SIMC1: variants seen among roughly 807,000 people sequenced by gnomAD.
SIMC1 encodes the protein SUMO-interacting motif-containing protein 1.
SIMC1 carries 55 observed loss-of-function variants against 82.3 expected under a neutral mutation model. The observed-to-expected ratio is 0.67, with a 90% CI of 0.54 to 0.84. SIMC1 has a LOEUF of 0.84. SIMC1 is among the 40% of genes least tolerant of loss of function. The pLI is 0.00. For synonymous variants in SIMC1, 353 were observed against 426.3 expected (o/e 0.83, Z 2.12); for missense variants, 915 against 1,107.2 (o/e 0.83, Z 2.46).
chr5:176,252,589 G>A (rs1409320301), intron 1 of SIMC1, among the ~76,000 whole-genome samples: 72 of 151,494 alleles, frequency 4.8e-4, no homozygotes, highest in Non-Finnish European at 8.6e-4. Context: ...GATGGCAGCC[G>A]GGAAGAGGCG....
At chr5:176,244,287 G>A (rs1420970451) in intron 1 of SIMC1, among the ~76,000 whole-genome samples, 47 of 89,746 alleles carry the variant, frequency 5.2e-4, no homozygotes, top group African/African-American at 2.1e-3. Flanking sequence ...GAGGAACAGG[G>A]TTAGAGGAAA....
rs537325267 is a variant in SIMC1, at chr5:176,307,936, C to T, written c.1735-5755C>T. Reference sequence around the variant, plus strand: ...AACCTGTCAGCCAAAGACATACATTCAAATGTTCAAAGCAGTGTTATACAT... The same window carrying T: ...AACCTGTCAGCCAAAGACATACATTTAAATGTTCAAAGCAGTGTTATACAT... On this transcript the variant is annotated intron_variant, in intron 4 of 9. Coordinates refer to ENST00000429602, the MANE Select transcript of SIMC1 (RefSeq NM_001308195.2). 3 of 554,304 alleles carry T rather than the reference C, an allele frequency of 5.4e-6. No individual in the cohort carries two copies. The East Asian group carries it at 9.5e-5, about 18-fold the overall frequency. 34.3% of individuals were successfully genotyped at this position (554,304 alleles called of 1,614,324 possible). A position where few individuals can be genotyped will look rare whatever the true frequency, so the allele number is the denominator to read the frequency against.
At chr5:176,243,927 A>G (rs1761353558) in intron 1 of SIMC1, among the ~76,000 whole-genome samples, 1 of 126,926 alleles carries the variant, frequency 7.9e-6, no homozygotes, top group Admixed American at 8.5e-5. Flanking sequence ...GCAAATGAAA[A>G]GGGATGCTAA....
chr5:176,262,249 C>CA (rs1762038827), intron 1 of SIMC1, among the ~76,000 whole-genome samples: 1 of 134,410 alleles, frequency 7.4e-6, no homozygotes, highest in Non-Finnish European at 1.6e-5. Flanking sequence ...CAATAGAGGC[C>CA]AAAAAAGCAT....
chr5:176,281,531 G>C (rs965921485), intron 1 of SIMC1, among the ~76,000 whole-genome samples: 2 of 152,134 alleles, frequency 1.3e-5, no homozygotes, highest in African/African-American at 4.8e-5. Flanking sequence ...CAGTTTTTCT[G>C]CTCTGCTTTT....
intron 1 of SIMC1, among the ~76,000 whole-genome samples, chr5:176,260,065 A>C (rs1240709867): frequency 6.6e-6 from 1 of 151,300 alleles, no homozygotes; most frequent in East Asian, 1.9e-4. Flanking sequence ...AGACATTTAA[A>C]AAATTCATAC....
At chr5:176,263,457 G>A (rs1762083757) in intron 1 of SIMC1, 9 of 1,547,316 alleles carry the variant, frequency 5.8e-6, no homozygotes, top group Non-Finnish European at 7.9e-6. Flanking sequence ...CTTCTGGTGA[G>A]GACCTCAGGA....
chr5:176,270,482 T>C (rs1243320092), intron 1 of SIMC1: 2 of 152,046 alleles, frequency 1.3e-5, no homozygotes, highest in Admixed American at 6.5e-5. Context: ...TGAACAACTA[T>C]CCACACAAGA....
At chr5:176,269,563 A>G (rs1323558413) in intron 1 of SIMC1, among the ~76,000 whole-genome samples, 4 of 152,230 alleles carry the variant, frequency 2.6e-5, no homozygotes, top group Admixed American at 6.5e-5. Flanking sequence ...TTCAGGTGCA[A>G]AGAGGTTCAC....
chr5:176,335,812 G>A (rs1172966554), intron 7 of SIMC1, among the ~76,000 whole-genome samples: 3 of 152,204 alleles, frequency 2.0e-5, no homozygotes, highest in African/African-American at 7.2e-5. Flanking sequence ...GGAGGCCAGG[G>A]TGGGAAGATT....
At position 176,262,403 on chromosome 5, in the gene SIMC1, G is replaced by A. The variant is rs186699481; in HGVS notation, c.129+23766G>A. 2.2e-3 allele frequency among the ~76,000 whole-genome samples: 342 copies of A among 152,048 alleles called. 1 individual carries two copies. The highest frequency in any genetic ancestry group is 8.1e-3 in the African/African-American group (334 of 41,462). On this transcript the variant is annotated intron_variant, in intron 1 of 9. Transcript: ENST00000429602. ...CATACCTAATGGTGAAAAACTTGAA[G>A]CATTCCTACTAAGATCAGGGATAAG...
chr5:176,338,517 T>C (rs1259868140), intron 9 of SIMC1, among the ~76,000 whole-genome samples: 3 of 152,128 alleles, frequency 2.0e-5, no homozygotes, highest in Non-Finnish European at 4.4e-5. Flanking sequence ...TAGATAACAT[T>C]ATTGTGTCCA....
chr5:176,308,105 G>T, intron 4 of SIMC1: 1 of 816,770 alleles, frequency 1.2e-6, no homozygotes, highest in East Asian at 2.5e-5. Flanking sequence ...AGTTCATCTA[G>T]AGTCTGACAC....
At chr5:176,313,955 T>C in intron 5 of SIMC1, 110 bp downstream of exon 5, 3 of 1,343,156 alleles carry the variant, frequency 2.2e-6, no homozygotes, top group Non-Finnish European at 3.1e-6. Context: ...GTAGATAGTG[T>C]AATAGGGCTA....
In SIMC1 at chr5:176,284,733, T is replaced by C. The variant is rs146180207; in HGVS notation, c.130-4921T>C. Among the ~76,000 whole-genome samples, 384 of 151,740 alleles carry C rather than the reference T, an allele frequency of 2.5e-3. 2 individuals carry two copies. The highest frequency in any genetic ancestry group is 8.8e-3 in the African/African-American group (363 of 41,374). On this transcript the variant is annotated intron_variant, in intron 1 of 9. Transcript: ENST00000429602. ...AAAAGCCCTTCAAAAAATCAATGAA[T>C]CTAGGAGCTGGGCAATAAAAAATGA...
chr5:176,252,311 G>A (rs1304145027), intron 1 of SIMC1, among the ~76,000 whole-genome samples: 2 of 151,554 alleles, frequency 1.3e-5, no homozygotes, highest in South Asian at 4.2e-4. Context: ...GGGCGGAGAC[G>A]CTCCGGGCAG....
Position 176,345,497 on chromosome 5 carries a change from C to T in SIMC1, c.*52C>T. On this transcript the variant is annotated 3_prime_UTR_variant, in exon 10 of 10. Transcript: ENST00000429602. ...AATACCTCCTGAACTCTCTCTCCAA[C>T]TGCTCAGAAGCTCTAAAAGCATGAA... 1 of 1,555,544 alleles carries T rather than the reference C, an allele frequency of 6.4e-7. No individual in the cohort carries two copies.
At chr5:176,329,689 C>T (rs1765550227) in intron 7 of SIMC1, among the ~76,000 whole-genome samples, 1 of 152,080 alleles carries the variant, frequency 6.6e-6, no homozygotes, top group Admixed American at 6.6e-5. Context: ...ATGAACTGAA[C>T]TCTAGTTAGT....
intron 1 of SIMC1, among the ~76,000 whole-genome samples, chr5:176,269,222 CAG>C (rs754702840): frequency 9.9e-5 from 15 of 151,810 alleles, no homozygotes; most frequent in Non-Finnish European, 2.1e-4. Context: ...ATAAAGATAA[CAG>C]AAATAGATGA....
Sources: allele counts gnomAD v4.1 joint callset (sites outside exome capture counted in the v4.1 genomes callset), GRCh38; gene constraint gnomAD v4.1.1; transcripts MANE v1.5; gene names NCBI Gene and HGNC (gene_info 2026-07-23, HGNC 2026-07-21).